LIMD1: variants seen among roughly 807,000 people sequenced by gnomAD.
The protein encoded by LIMD1 is LIM domain containing 1.
A neutral mutation model predicts 58.4 loss-of-function variants in LIMD1; 23 were observed. The ratio of observed to expected loss-of-function variants is 0.39; its 90% CI spans 0.28 to 0.56. The LOEUF is 0.56. Ranked by LOEUF, LIMD1 falls within the 20% of genes least tolerant of loss-of-function variation. LIMD1 has a pLI of 0.57. For missense variants in LIMD1, 838 were observed against 855.5 expected (o/e 0.98, Z 0.25); for synonymous variants, 334 against 345.5 (o/e 0.97, Z 0.37).
At chr3:45,671,627 G>A (rs1029137723) in intron 4 of LIMD1, among the ~76,000 whole-genome samples, 2 of 152,260 alleles carry the variant, frequency 1.3e-5, no homozygotes, top group African/African-American at 2.4e-5. Context: ...GACTCAGTTC[G>A]AGTTAAACCA....
intron 1 of LIMD1, among the ~76,000 whole-genome samples, chr3:45,625,416 G>T (rs1292382581): frequency 6.6e-6 from 1 of 152,086 alleles, no homozygotes; most frequent in East Asian, 1.9e-4. Flanking sequence ...TGCCTTTCCT[G>T]TCTCTGAGCC....
chr3:45,623,322 G>A (rs574926369), intron 1 of LIMD1, among the ~76,000 whole-genome samples: 61 of 152,300 alleles, frequency 4.0e-4, no homozygotes, highest in African/African-American at 1.4e-3. Context: ...CTGCCCTGGC[G>A]ATAGCTGGAG....
At chr3:45,617,204 A>C (rs1025634942) in intron 1 of LIMD1, among the ~76,000 whole-genome samples, 2 of 147,972 alleles carry the variant, frequency 1.4e-5, no homozygotes, top group African/African-American at 5.0e-5. Context: ...TGGCTAATTT[A>C]TTTTATTATT....
At chr3:45,604,618 C>T (rs1029297592) in intron 1 of LIMD1, among the ~76,000 whole-genome samples, 1 of 152,144 alleles carries the variant, frequency 6.6e-6, no homozygotes, top group Non-Finnish European at 1.5e-5. Context: ...CCTTCTTCCC[C>T]GTCATCCCAG....
At chr3:45,621,750 C>T (rs1701629893) in intron 1 of LIMD1, among the ~76,000 whole-genome samples, 1 of 152,136 alleles carries the variant, frequency 6.6e-6, no homozygotes, top group Non-Finnish European at 1.5e-5. Context: ...CTTCACATTA[C>T]CGTAAATCCA....
intron 2 of LIMD1, among the ~76,000 whole-genome samples, chr3:45,649,709 C>CACAT (rs1553645414): frequency 0.19 from 26,275 of 135,054 alleles, 2,812 homozygotes; most frequent in Non-Finnish European, 0.25. Context: ...TATATGTATA[C>CACAT]ATATATATAT....
chr3:45,674,632 A>G (rs1697643697), intron 7 of LIMD1: 2 of 480,592 alleles, frequency 4.2e-6, no homozygotes, highest in Non-Finnish European at 7.6e-6. Context: ...CAGAACTATC[A>G]AGTCCTGCAA....
intron 4 of LIMD1, 145 bp from the exon 5 acceptor site, chr3:45,672,545 C>T (rs1697600255): frequency 5.8e-6 from 5 of 857,398 alleles, no homozygotes; most frequent in Non-Finnish European, 9.1e-6. Flanking sequence ...CCCATCACCT[C>T]TTGCTCTTCT....
chr3:45,656,519 TTC>T lies in LIMD1; in HGVS notation c.1511-9129_1511-9128del, dbSNP rs1396575346. On this transcript the variant is annotated intron_variant, in intron 2 of 7. Transcript: ENST00000273317. ...TAGTAAGTGAGTTTCCTTTTTCTTT[TTC>T]TTTCTTTTTTTTTTTGAGACGGAGT... 5.3e-5 allele frequency among the ~76,000 whole-genome samples: 8 copies of T among 151,904 alleles called. No homozygotes were observed. In the South Asian group the frequency reaches 1.7e-3, roughly 32 times the overall value.
intron 2 of LIMD1, among the ~76,000 whole-genome samples, chr3:45,662,978 C>T (rs534821197): frequency 7.4e-5 from 11 of 149,446 alleles, no homozygotes; most frequent in Admixed American, 2.0e-4. Context: ...AGCGAGACTC[C>T]GTCTCAAAAA....
At chr3:45,664,513 T>A (rs1697486205) in intron 2 of LIMD1, among the ~76,000 whole-genome samples, 1 of 152,196 alleles carries the variant, frequency 6.6e-6, no homozygotes, top group Non-Finnish European at 1.5e-5. Flanking sequence ...ACAGGAGGGC[T>A]GGGGGAAACA....
At chr3:45,600,478 C>T (rs1350593571) in intron 1 of LIMD1, among the ~76,000 whole-genome samples, 2 of 151,998 alleles carry the variant, frequency 1.3e-5, no homozygotes, top group East Asian at 1.9e-4. Context: ...CCTACAGAGG[C>T]GTGTCTCTTT....
At chr3:45,665,577 T>G in intron 2 of LIMD1, 73 bp from the exon 3 acceptor site, 2 of 1,255,488 alleles carry the variant, frequency 1.6e-6, no homozygotes, top group Non-Finnish European at 2.3e-6. Flanking sequence ...GATTTTGCTT[T>G]TCACTTTTCA....
Position 45,594,879 on chromosome 3 carries a change from C to A in LIMD1, c.-1C>A. Reference sequence around the variant, plus strand: ...GCTAGGCCCGGACACCTGTCTGCAGCATGGATAAGTATGACGACCTGGGCC... The same window carrying A: ...GCTAGGCCCGGACACCTGTCTGCAGAATGGATAAGTATGACGACCTGGGCC... On this transcript the variant is annotated 5_prime_UTR_variant, in exon 1 of 8. Transcript: ENST00000273317. 1 of 1,601,952 alleles carries A rather than the reference C, an allele frequency of 6.2e-7. No individual in the cohort carries two copies.
chr3:45,673,560 C>A, intron 6 of LIMD1, 55 bp downstream of exon 6: 3 of 1,349,668 alleles, frequency 2.2e-6, no homozygotes, highest in Non-Finnish European at 3.2e-6. Flanking sequence ...GAATATCTCC[C>A]TGGGCTCATT....
chr3:45,611,040 G>A (rs1208801719), intron 1 of LIMD1, among the ~76,000 whole-genome samples: 3 of 152,294 alleles, frequency 2.0e-5, no homozygotes, highest in South Asian at 4.1e-4. Context: ...TTTCTGCTGG[G>A]CAGGGCTGTG....
chr3:45,638,770 GT>G (rs1401857721), intron 2 of LIMD1, among the ~76,000 whole-genome samples: 3 of 151,646 alleles, frequency 2.0e-5, no homozygotes, highest in Non-Finnish European at 4.4e-5. Context: ...CACCAACTGT[GT>G]ATAAGCATTG....
At chr3:45,674,639 G>A in intron 7 of LIMD1, 2 of 467,718 alleles carry the variant, frequency 4.3e-6, no homozygotes, top group South Asian at 3.3e-5. Flanking sequence ...ATCAAGTCCT[G>A]CAACTGTTGG....
At chr3:45,597,560 T>G (rs1701370052) in intron 1 of LIMD1, among the ~76,000 whole-genome samples, 1 of 152,252 alleles carries the variant, frequency 6.6e-6, no homozygotes, top group African/African-American at 2.4e-5. Context: ...GAGTAATGAT[T>G]AGTTGTCTCA....
Sources: allele counts gnomAD v4.1 joint callset (sites outside exome capture counted in the v4.1 genomes callset), GRCh38; gene constraint gnomAD v4.1.1; transcripts MANE v1.5; gene names NCBI Gene and HGNC (gene_info 2026-07-23, HGNC 2026-07-21).